Variants in CIZ1 observed in about 807,000 individuals in gnomAD.
CIZ1 encodes the protein cip1-interacting zinc finger protein.
A neutral mutation model predicts 118.6 loss-of-function variants in CIZ1; 58 were observed. That is an observed-to-expected ratio of 0.49 (90% CI 0.40 to 0.61). CIZ1 has a LOEUF of 0.61. Ranked by LOEUF, CIZ1 falls within the 20% of genes least tolerant of loss-of-function variation. CIZ1 has a pLI of 0.00. For missense variants in CIZ1, 921 were observed against 1,115.9 expected (o/e 0.83, Z 2.49); for synonymous variants, 448 against 443.4 (o/e 1.01, Z -0.13).
chr9:128,183,176 T>C (rs970700163), intron 5 of CIZ1, among the ~76,000 whole-genome samples: 2 of 152,162 alleles, frequency 1.3e-5, no homozygotes, highest in African/African-American at 4.8e-5. Context: ...GAATGAGCAC[T>C]GAGCAGGGAA....
upstream of CIZ1, among the ~76,000 whole-genome samples, chr9:128,192,341 G>A (rs1833227553): frequency 6.7e-6 from 1 of 149,106 alleles, no homozygotes; most frequent in Non-Finnish European, 1.5e-5. Context: ...CTGCACTCCA[G>A]CCTGAGCGAC....
chr9:128,175,814 G>A (rs1326119554), intron 11 of CIZ1, among the ~76,000 whole-genome samples: 1 of 152,108 alleles, frequency 6.6e-6, no homozygotes, highest in Non-Finnish European at 1.5e-5. Flanking sequence ...TCCTGCTGCT[G>A]AGATGACACA....
At chr9:128,168,392 T>A (rs1035129538) in intron 14 of CIZ1, among the ~76,000 whole-genome samples, 3 of 152,068 alleles carry the variant, frequency 2.0e-5, no homozygotes, top group Non-Finnish European at 2.9e-5. Flanking sequence ...GGTGGGCACC[T>A]GTGATCCCAG....
chr9:128,194,001 A>C (rs1833312892), upstream of CIZ1, among the ~76,000 whole-genome samples: 1 of 152,226 alleles, frequency 6.6e-6, no homozygotes, highest in Admixed American at 6.5e-5. Context: ...GTGCTGGTGA[A>C]GGTGGAAAGC....
chr9:128,185,617 T>C lies in CIZ1; in HGVS notation c.518A>G (p.Gln173Arg). The change falls in exon 5 of 17, where the codon CAG becomes CGG. Residue 173 changes from glutamine to arginine, a missense_variant. Coordinates refer to ENST00000372938, the MANE Select transcript of CIZ1 (RefSeq NM_001131016.2). ...PPVGVPMNPSQFNLSGRNPQK... is the reference protein window; with the variant it reads ...PPVGVPMNPSRFNLSGRNPQK... ...GGGGTTCCGTCCTGAAAGGTTGAAC[T>C]GGGAAGGGTTCATGGGGACCCCAAC... The C allele has an allele frequency of 6.5e-7, 1 of 1,547,222 alleles. No homozygotes were observed. The highest frequency in any genetic ancestry group is 8.7e-7 in the Non-Finnish European group (1 of 1,146,594).
chr9:128,192,725 T>C (rs113030847), upstream of CIZ1, among the ~76,000 whole-genome samples: 2,965 of 152,304 alleles, frequency 0.019, 91 homozygotes, highest in African/African-American at 0.065. Context: ...GTATTTTTAA[T>C]AGAGACGGGG....
chr9:128,171,804 G>A (rs1187950474), intron 11 of CIZ1, among the ~76,000 whole-genome samples: 2 of 151,880 alleles, frequency 1.3e-5, no homozygotes, highest in Middle Eastern at 3.4e-3. Flanking sequence ...ATTTAATCTT[G>A]GGTTGGGAAA....
chr9:128,169,251 G>T, intron 13 of CIZ1, 50 bp from the exon 14 acceptor site: 2 of 1,582,076 alleles, frequency 1.3e-6, no homozygotes, highest in South Asian at 2.2e-5. Context: ...ACAGCCAGGG[G>T]GCCATGCCCT....
intron 11 of CIZ1, among the ~76,000 whole-genome samples, chr9:128,171,296 G>A (rs1830087719): frequency 6.6e-6 from 1 of 151,870 alleles, no homozygotes; most frequent in African/African-American, 2.4e-5. Flanking sequence ...AGGCATGGTG[G>A]TGTGCACCTA....
chr9:128,174,889 C>T (rs1830674567), intron 11 of CIZ1, among the ~76,000 whole-genome samples: 1 of 152,166 alleles, frequency 6.6e-6, no homozygotes, highest in South Asian at 2.1e-4. Context: ...AACTCCTGAC[C>T]TCAGGTGATC....
At chr9:128,177,434 G>C in intron 10 of CIZ1, 132 bp downstream of exon 10, 1 of 630,702 alleles carries the variant, frequency 1.6e-6, no homozygotes, top group South Asian at 3.4e-5. Context: ...TGGCAGGTCA[G>C]GAAATGTTTC....
intron 5 of CIZ1, among the ~76,000 whole-genome samples, chr9:128,182,514 G>A (rs7862737): frequency 1.7e-3 from 252 of 152,232 alleles, no homozygotes; most frequent in African/African-American, 5.8e-3. Context: ...ATGGCTTCCT[G>A]CAGCCCTGGT....
intron 11 of CIZ1, 102 bp from the exon 12 acceptor site, chr9:128,170,209 A>G (rs917821449): frequency 3.2e-6 from 3 of 948,050 alleles, no homozygotes; most frequent in Non-Finnish European, 5.0e-6. Context: ...CAACTCCCAC[A>G]GGATCTCTTA....
intron 12 of CIZ1, 156 bp from the exon 13 acceptor site, chr9:128,169,675 AAC>A: frequency 6.5e-7 from 1 of 1,538,180 alleles, no homozygotes; most frequent in Non-Finnish European, 8.7e-7. Flanking sequence ...AACGTGGGCA[AAC>A]ACATCTCTTC....
In CIZ1 at chr9:128,170,052, G is replaced by A. The variant is rs767423705; in HGVS notation, c.1999C>T (p.Leu667=). 6.2e-7 allele frequency: 1 copy of A among 1,614,020 alleles called. No individual in the cohort carries two copies. The highest frequency in any genetic ancestry group is 1.1e-5 in the South Asian group (1 of 91,072). The part of the protein sequence containing the change: ...NTCQLYYMGD[L]IQHRRTQDHK... ...TCCTGTGTCCTGCGGTGTTGGATCA[G>A]GTCCCCCATGTAGTAGAGCTGGCAG... The change falls in exon 12 of 17, where the codon CTG becomes TTG. Residue 667 remains leucine (L), a synonymous_variant. Coordinates refer to ENST00000372938, the MANE Select transcript of CIZ1 (RefSeq NM_001131016.2).
At chr9:128,194,213 T>C (rs185012669), upstream of CIZ1, among the ~76,000 whole-genome samples, 1,014 of 150,232 alleles carry the variant, frequency 6.7e-3, 19 homozygotes, top group African/African-American at 0.024. Flanking sequence ...AATACAAAAA[T>C]TAGCCGGGCA....
At chr9:128,202,015 G>A (rs948536779) in intron 1 of CIZ1, among the ~76,000 whole-genome samples, 1 of 152,098 alleles carries the variant, frequency 6.6e-6, no homozygotes, top group South Asian at 2.1e-4. Flanking sequence ...CATCTAACAG[G>A]GCCATCGTTA....
At chr9:128,189,676 T>C (rs1218774223) in intron 3 of CIZ1, among the ~76,000 whole-genome samples, 1 of 151,740 alleles carries the variant, frequency 6.6e-6, no homozygotes, top group Admixed American at 6.6e-5. Flanking sequence ...AAAAATTAGC[T>C]GGGCATGGTG....
intron 5 of CIZ1, among the ~76,000 whole-genome samples, chr9:128,184,489 A>AT (rs35204850): frequency 0.55 from 62,289 of 112,282 alleles, 19,700 homozygotes; most frequent in East Asian, 0.91. Flanking sequence ...GGCAGTGCTG[A>AT]TTTTTTTTTT....
Sources: allele counts gnomAD v4.1 joint callset (sites outside exome capture counted in the v4.1 genomes callset), GRCh38; gene constraint gnomAD v4.1.1; transcripts MANE v1.5; gene names NCBI Gene and HGNC (gene_info 2026-07-23, HGNC 2026-07-21).